The following SGCG variants were observed in gnomAD, a reference collection of about 807,000 sequenced individuals.
SGCG encodes the protein sarcoglycan gamma, also known as gamma-sarcoglycan.
Under a neutral mutation model 29.3 loss-of-function variants are expected in SGCG, and 26 were observed. That is an observed-to-expected ratio of 0.89 (90% confidence interval 0.65 to 1.23). The LOEUF (loss-of-function observed/expected upper bound fraction) is 1.23, where lower values mean the gene tolerates loss of function less well. SGCG is among the 50% of genes most tolerant of loss of function. The probability of loss-of-function intolerance (pLI) is 0.00; values close to 1 mark genes in which losing one functional copy is unlikely to be tolerated. For missense variants in SGCG, 353 were observed against 356.0 expected, an observed-to-expected ratio of 0.99 and a Z score of 0.07; for synonymous variants, 145 against 129.7, an observed-to-expected ratio of 1.12 and a Z score of -0.80.
At chr13:23,298,580 A>T (rs1375950918) in intron 6 of SGCG, among the ~76,000 whole-genome samples, 2 of 152,214 alleles carry the variant, frequency 1.3e-5, no homozygotes. Flanking sequence ...GAAAATGGAT[A>T]AAAAGATTAA....
intron 7 of SGCG, among the ~76,000 whole-genome samples, chr13:23,323,485 A>G (rs1416876765): frequency 6.6e-6 from 1 of 152,212 alleles, no homozygotes; most frequent in Non-Finnish European, 1.5e-5. Flanking sequence ...TGGCAAGGAC[A>G]GAATTATGCC....
intron 4 of SGCG, among the ~76,000 whole-genome samples, chr13:23,262,125 A>G (rs9550944): frequency 0.026 from 3,922 of 152,122 alleles, 245 homozygotes; most frequent in East Asian, 0.25. Context: ...CTAGGTAACA[A>G]TCAACATGAT....
At chr13:23,163,823 G>A in the SGCG span, among the ~76,000 whole-genome samples, 2 of 152,038 alleles carry the variant, frequency 1.3e-5, no homozygotes, top group African/African-American at 2.4e-5. Context: ...GAAGACAAAG[G>A]CCTAACTAGC....
chr13:23,302,195 T>C (rs1341435361), intron 6 of SGCG, among the ~76,000 whole-genome samples: 1 of 151,634 alleles, frequency 6.6e-6, no homozygotes, highest in Non-Finnish European at 1.5e-5. Context: ...TTTTTCCCAA[T>C]ATACACTACT....
chr13:23,318,764 G>GTA (rs1210099655), intron 6 of SGCG, among the ~76,000 whole-genome samples: 1 of 152,144 alleles, frequency 6.6e-6, no homozygotes, highest in Non-Finnish European at 1.5e-5. Flanking sequence ...AATGCAAAGG[G>GTA]TAAGAAGTTT....
chr13:23,290,697 G>GT (rs1481958921), intron 5 of SGCG, among the ~76,000 whole-genome samples: 6 of 152,054 alleles, frequency 3.9e-5, no homozygotes, highest in Non-Finnish European at 7.4e-5. Flanking sequence ...TGAAAAGACC[G>GT]TATCAGTCCA....
At chr13:23,311,926 C>T (rs1014390034) in intron 6 of SGCG, among the ~76,000 whole-genome samples, 1 of 152,012 alleles carries the variant, frequency 6.6e-6, no homozygotes, top group Non-Finnish European at 1.5e-5. Flanking sequence ...TTTTCTCCTG[C>T]CCAGTTCTCT....
chr13:23,261,932 A>G lies in SGCG; in HGVS notation c.385+11215A>G, dbSNP rs1424574293. Among the ~76,000 whole-genome samples the G allele has an allele frequency of 2.0e-5, 3 of 152,150 alleles. No individual in the cohort carries two copies. The East Asian group carries it at 5.8e-4, about 29-fold the overall frequency. On this transcript the variant is annotated intron_variant, in intron 4 of 7. Coordinates refer to ENST00000218867, the MANE Select transcript of SGCG (RefSeq NM_000231.3). ...TAAGTTTCATAAATGAAGGAAAAAT[A>G]AAGTCTTTATCAGACAAGCAAATGC...
intron 6 of SGCG, among the ~76,000 whole-genome samples, chr13:23,319,157 A>G (rs774355308): frequency 1.3e-5 from 2 of 152,020 alleles, no homozygotes; most frequent in Non-Finnish European, 2.9e-5. Flanking sequence ...AATTAGCTGG[A>G]CACGGTGGCG....
At chr13:23,310,272 G>C (rs1477288019) in intron 6 of SGCG, among the ~76,000 whole-genome samples, 3 of 151,764 alleles carry the variant, frequency 2.0e-5, no homozygotes, top group Admixed American at 6.6e-5. Flanking sequence ...ATTTTTAGTA[G>C]AGACGGGGTT....
chr13:23,309,148 GATT>G (rs1385063965), intron 6 of SGCG, among the ~76,000 whole-genome samples: 1 of 151,898 alleles, frequency 6.6e-6, no homozygotes, highest in Non-Finnish European at 1.5e-5. Context: ...TTTTCAAAGT[GATT>G]ATTATTGATT....
chr13:23,188,111 G>C (rs974658696), intron 1 of SGCG, among the ~76,000 whole-genome samples: 1 of 152,108 alleles, frequency 6.6e-6, no homozygotes, highest in South Asian at 2.1e-4. Context: ...ATTTTTCCAA[G>C]GCCAGAACCT....
intron 4 of SGCG, among the ~76,000 whole-genome samples, chr13:23,276,790 G>C (rs924052165): frequency 1.2e-4 from 19 of 152,232 alleles, no homozygotes; most frequent in Non-Finnish European, 2.4e-4. Context: ...TCCGGACGCT[G>C]CTCTTAGCCT....
upstream of SGCG, among the ~76,000 whole-genome samples, chr13:23,178,423 T>C (rs919240332): frequency 9.2e-5 from 14 of 152,054 alleles, no homozygotes; most frequent in African/African-American, 2.9e-4. Context: ...AAAAGAGCAG[T>C]GGGTGTTGTA....
At chr13:23,257,548 T>G (rs1880246449) in intron 4 of SGCG, among the ~76,000 whole-genome samples, 1 of 152,206 alleles carries the variant, frequency 6.6e-6, no homozygotes, top group African/African-American at 2.4e-5. Context: ...CTCATTAGTT[T>G]AATTAGATCC....
At chr13:23,318,195 CCTACTATAA>C (rs201003620) in intron 6 of SGCG, among the ~76,000 whole-genome samples, 5 of 146,102 alleles carry the variant, frequency 3.4e-5, no homozygotes, top group Non-Finnish European at 4.7e-5. Flanking sequence ...CTAGTTATGT[CCTACTATAA>C]CTACTAGTTA....
intron 4 of SGCG, among the ~76,000 whole-genome samples, chr13:23,262,959 T>G (rs1408905233): frequency 6.6e-6 from 1 of 151,800 alleles, no homozygotes; most frequent in African/African-American, 2.4e-5. Flanking sequence ...TCAAAGTGAA[T>G]AAGAGTGAGT....
intron 1 of SGCG, among the ~76,000 whole-genome samples, chr13:23,196,990 C>T (rs1358005151): frequency 6.6e-6 from 1 of 152,186 alleles, no homozygotes; most frequent in Admixed American, 6.5e-5. Context: ...CCTGCCAGCT[C>T]ACCTCCTGGA....
At chr13:23,277,658 CAA>C (rs1011069764) in intron 4 of SGCG, among the ~76,000 whole-genome samples, 1 of 145,974 alleles carries the variant, frequency 6.9e-6, no homozygotes, top group African/African-American at 2.5e-5. Context: ...GGGACACACA[CAA>C]AAAAAATTAT....
Sources: allele counts gnomAD v4.1 joint callset (sites outside exome capture counted in the v4.1 genomes callset), GRCh38; gene constraint gnomAD v4.1.1; transcripts MANE v1.5; gene names NCBI Gene and HGNC (gene_info 2026-07-23, HGNC 2026-07-21).